ARHGAP15: variants seen among roughly 807,000 people sequenced by gnomAD.
The protein encoded by ARHGAP15 is Rho GTPase activating protein 15.
In ARHGAP15, 51 loss-of-function variants were observed where a neutral mutation model predicts 63.7. The ratio of observed to expected loss-of-function variants is 0.80; its 90% confidence interval spans 0.64 to 1.01. The LOEUF (loss-of-function observed/expected upper bound fraction) is 1.01. Ranked by LOEUF, ARHGAP15 falls within the 50% of genes least tolerant of loss-of-function variation. The pLI is 0.00. For missense variants in ARHGAP15, 560 were observed against 564.6 expected (o/e 0.99, Z 0.08); for synonymous variants, 191 against 193.8 (o/e 0.99, Z 0.12).
At chr2:143,502,490 A>G (rs1450105389) in intron 9 of ARHGAP15, among the ~76,000 whole-genome samples, 1 of 152,204 alleles carries the variant, frequency 6.6e-6, no homozygotes, top group East Asian at 1.9e-4. Context: ...TGATAAGCCA[A>G]AGCCATCTGT....
At chr2:143,251,751 G>C (rs1429052564) in intron 6 of ARHGAP15, among the ~76,000 whole-genome samples, 1 of 151,962 alleles carries the variant, frequency 6.6e-6, no homozygotes, top group East Asian at 1.9e-4. Flanking sequence ...AAAAGGGAGA[G>C]AGAAAAGATA....
At chr2:143,634,745 T>C (rs1476596972) in intron 12 of ARHGAP15, among the ~76,000 whole-genome samples, 9 of 152,192 alleles carry the variant, frequency 5.9e-5, no homozygotes. Context: ...TTCTCTTGCT[T>C]CGTGACCCAG....
intron 11 of ARHGAP15, among the ~76,000 whole-genome samples, chr2:143,586,162 T>C (rs778386247): frequency 6.6e-6 from 1 of 152,156 alleles, no homozygotes; most frequent in Non-Finnish European, 1.5e-5. Flanking sequence ...TTGGTTAGTA[T>C]GATTTACCTG....
At chr2:143,492,167 C>T (rs1414089854) in intron 9 of ARHGAP15, among the ~76,000 whole-genome samples, 6 of 152,174 alleles carry the variant, frequency 3.9e-5, no homozygotes, top group African/African-American at 1.4e-4. Context: ...TAGGTGTGAG[C>T]CACCGCGCCT....
intron 12 of ARHGAP15, among the ~76,000 whole-genome samples, chr2:143,693,635 GA>G (rs1407587365): frequency 6.6e-6 from 1 of 152,102 alleles, no homozygotes; most frequent in Non-Finnish European, 1.5e-5. Context: ...TCATTTTACT[GA>G]CTTGAACTCA....
At chr2:143,298,359 T>C (rs986281172) in intron 6 of ARHGAP15, among the ~76,000 whole-genome samples, 1 of 152,010 alleles carries the variant, frequency 6.6e-6, no homozygotes, top group African/African-American at 2.4e-5. Flanking sequence ...TTTATTATCC[T>C]CTTAGTACAC....
chr2:143,358,538 A>T (rs1307057149), intron 6 of ARHGAP15, among the ~76,000 whole-genome samples: 1 of 151,820 alleles, frequency 6.6e-6, no homozygotes, highest in East Asian at 1.9e-4. Flanking sequence ...AAAGTAAAAA[A>T]AAAAGAGGAA....
intron 6 of ARHGAP15, among the ~76,000 whole-genome samples, chr2:143,351,570 G>A (rs1369297421): frequency 6.6e-6 from 1 of 152,078 alleles, no homozygotes; most frequent in Admixed American, 6.5e-5. Flanking sequence ...CAGTTTCTTG[G>A]GTCCATTTCT....
chr2:143,286,751 T>C (rs1220940700), intron 6 of ARHGAP15, among the ~76,000 whole-genome samples: 1 of 152,120 alleles, frequency 6.6e-6, no homozygotes, highest in Admixed American at 6.5e-5. Flanking sequence ...CATGTGCCAA[T>C]AGGATTACAT....
chr2:143,326,273 AAAC>A (rs1328047893), intron 6 of ARHGAP15, among the ~76,000 whole-genome samples: 3 of 152,186 alleles, frequency 2.0e-5, no homozygotes, highest in African/African-American at 4.8e-5. Flanking sequence ...TCCTGTGAGT[AAAC>A]AACAACATTT....
At chr2:143,144,399 CTA>C (rs984038827) in intron 1 of ARHGAP15, among the ~76,000 whole-genome samples, 1 of 151,894 alleles carries the variant, frequency 6.6e-6, no homozygotes, top group Non-Finnish European at 1.5e-5. Context: ...CTTTTATGAA[CTA>C]TTTTTTAAGT....
At chr2:143,445,218 T>C (rs1352040238) in intron 8 of ARHGAP15, among the ~76,000 whole-genome samples, 5 of 123,182 alleles carry the variant, frequency 4.1e-5, no homozygotes, top group Non-Finnish European at 8.0e-5. Context: ...TTGAGTGCAA[T>C]GGCGTGGTCT....
chr2:143,556,603 G>C (rs1424015325), intron 11 of ARHGAP15, 118 bp downstream of exon 11: 2 of 685,250 alleles, frequency 2.9e-6, no homozygotes, highest in African/African-American at 3.7e-5. Flanking sequence ...ATGTGAAAGT[G>C]GAAGAAATTT....
intron 12 of ARHGAP15, among the ~76,000 whole-genome samples, chr2:143,631,130 TA>T (rs1284478974): frequency 2.3e-4 from 35 of 152,208 alleles, no homozygotes; most frequent in African/African-American, 8.2e-4. Context: ...TCAACATAAT[TA>T]TTTTGAGATT....
chr2:143,712,056 T>C (rs1157552846), intron 13 of ARHGAP15, among the ~76,000 whole-genome samples: 1 of 152,194 alleles, frequency 6.6e-6, no homozygotes, highest in Non-Finnish European at 1.5e-5. Context: ...GGACAGCTTG[T>C]AGAAGGGCAA....
chr2:143,326,394 A>G (rs1684250791), intron 6 of ARHGAP15, among the ~76,000 whole-genome samples: 1 of 152,082 alleles, frequency 6.6e-6, no homozygotes, highest in Non-Finnish European at 1.5e-5. Flanking sequence ...CAAAAGTCAC[A>G]CTGCTACTTA....
chr2:143,309,657 T>C (rs1267993526), intron 6 of ARHGAP15, among the ~76,000 whole-genome samples: 1 of 152,040 alleles, frequency 6.6e-6, no homozygotes, highest in Non-Finnish European at 1.5e-5. Flanking sequence ...ATAAAATCCC[T>C]AGGTATGTAT....
At chr2:143,147,328 C>T (rs1477216949) in intron 1 of ARHGAP15, among the ~76,000 whole-genome samples, 4 of 151,992 alleles carry the variant, frequency 2.6e-5, no homozygotes, top group Non-Finnish European at 5.9e-5. Context: ...AAGATAGTCA[C>T]CCTGTTTTCC....
intron 11 of ARHGAP15, among the ~76,000 whole-genome samples, chr2:143,605,443 T>A (rs1022202941): frequency 6.6e-6 from 1 of 152,062 alleles, no homozygotes; most frequent in South Asian, 2.1e-4. Flanking sequence ...AGGTAAAGAA[T>A]TAGTCCTGTG....
Sources: allele counts gnomAD v4.1 joint callset (sites outside exome capture counted in the v4.1 genomes callset), GRCh38; gene constraint gnomAD v4.1.1; transcripts MANE v1.5; gene names NCBI Gene and HGNC (gene_info 2026-07-23, HGNC 2026-07-21).